ALK: variants seen among roughly 807,000 people sequenced by gnomAD.
ALK encodes the protein ALK tyrosine kinase receptor.
In ALK, 74 loss-of-function variants were observed where a neutral mutation model predicts 163.1. The ratio of observed to expected loss-of-function variants is 0.45; its 90% CI spans 0.38 to 0.55. The LOEUF is 0.55. Ranked by LOEUF, ALK falls within the 20% of genes least tolerant of loss-of-function variation. The pLI, the probability that ALK is intolerant of heterozygous loss-of-function variation, is 0.00. For missense variants in ALK, 2,063 were observed against 2,105.3 expected, an observed-to-expected ratio of 0.98 and a Z score of 0.39; for synonymous variants, 960 against 843.2, an observed-to-expected ratio of 1.14 and a Z score of -2.40.
chr2:29,735,178 G>C (rs1679856478), intron 1 of ALK, among the ~76,000 whole-genome samples: 1 of 151,066 alleles, frequency 6.6e-6, no homozygotes, highest in Admixed American at 6.6e-5. Context: ...GAGAGGATGA[G>C]GCAAGAGAAA....
rs1019519407 is a variant in ALK, at chr2:29,428,595, A to G, written c.1155-44736T>C. Among the ~76,000 whole-genome samples the G allele has an allele frequency of 5.9e-5, 9 of 152,156 alleles. No homozygotes were observed. The East Asian group carries it at 7.7e-4, about 13-fold the overall frequency. On this transcript the variant is annotated intron_variant, in intron 4 of 28. Coordinates refer to ENST00000389048, the MANE Select transcript of ALK (RefSeq NM_004304.5). ...AGAAATAGAAAATCTGAATCAATAC[A>G]TAACAAATAAAAAGATTAAATTAGT...
intron 3 of ALK, among the ~76,000 whole-genome samples, chr2:29,579,757 AC>A (rs913971130): frequency 6.6e-6 from 1 of 151,792 alleles, no homozygotes; most frequent in Non-Finnish European, 1.5e-5. Flanking sequence ...AGGTTGAAAG[AC>A]CCCCTCAGCA....
chr2:29,866,590 C>A (rs1225458799), intron 1 of ALK, among the ~76,000 whole-genome samples: 1 of 152,162 alleles, frequency 6.6e-6, no homozygotes, highest in Non-Finnish European at 1.5e-5. Flanking sequence ...CATTTACAGG[C>A]TATACTTAGG....
chr2:29,634,727 T>TA (rs1424093393), intron 3 of ALK, among the ~76,000 whole-genome samples: 1 of 152,122 alleles, frequency 6.6e-6, no homozygotes, highest in Non-Finnish European at 1.5e-5. Context: ...ATGTCCACAC[T>TA]AACGACTGCT....
chr2:29,421,816 A>G (rs879503036), intron 4 of ALK, among the ~76,000 whole-genome samples: 52 of 151,722 alleles, frequency 3.4e-4, no homozygotes, highest in Admixed American at 1.3e-3. Flanking sequence ...GGGGATAAAG[A>G]AGAACCCTTG....
Position 29,853,268 on chromosome 2 carries a change from T to C in ALK, c.667+66725A>G, listed in dbSNP as rs1666051641. 3.9e-5 allele frequency among the ~76,000 whole-genome samples: 6 copies of C among 152,150 alleles called. No homozygotes were observed. In the South Asian group the frequency reaches 1.2e-3, roughly 32 times the overall value. On this transcript the variant is annotated intron_variant, in intron 1 of 28. Coordinates refer to ENST00000389048, the MANE Select transcript of ALK (RefSeq NM_004304.5). ...TTGCCATTTGGATATTTCACAGACA[T>C]CTCAAATGCAACATGCCCAAAGCCT...
At chr2:29,512,251 A>C (rs1028662211) in intron 4 of ALK, among the ~76,000 whole-genome samples, 1 of 151,950 alleles carries the variant, frequency 6.6e-6, no homozygotes, top group Non-Finnish European at 1.5e-5. Flanking sequence ...ATCCTCAATA[A>C]AATACTGGCA....
chr2:29,294,993 T>C (rs1454673367), intron 9 of ALK, among the ~76,000 whole-genome samples: 1 of 152,220 alleles, frequency 6.6e-6, no homozygotes, highest in Non-Finnish European at 1.5e-5. Flanking sequence ...CCATATCATC[T>C]GTACCTCTGG....
chr2:29,194,433 G>C (rs1668972937), intron 28 of ALK, among the ~76,000 whole-genome samples: 1 of 152,018 alleles, frequency 6.6e-6, no homozygotes, highest in Non-Finnish European at 1.5e-5. Flanking sequence ...TTTCCATTTG[G>C]GTACTTTACA....
At chr2:29,503,458 G>A (rs998217411) in intron 4 of ALK, among the ~76,000 whole-genome samples, 2 of 152,218 alleles carry the variant, frequency 1.3e-5, no homozygotes, top group African/African-American at 4.8e-5. Context: ...TTTCATCAGG[G>A]AAATTAGATC....
chr2:29,506,944 G>T (rs751828216), intron 4 of ALK, among the ~76,000 whole-genome samples: 96 of 152,248 alleles, frequency 6.3e-4, no homozygotes, highest in Non-Finnish European at 1.2e-3. Flanking sequence ...AAATGATGCA[G>T]CCACTATGGA....
intron 3 of ALK, among the ~76,000 whole-genome samples, chr2:29,563,055 G>A (rs1674072608): frequency 6.6e-6 from 1 of 152,222 alleles, no homozygotes; most frequent in South Asian, 2.1e-4. Context: ...GTCTCCCAAA[G>A]AGGAGGGGCT....
In ALK at chr2:29,235,856, C is replaced by CTTTTTTTTTTTTTTTTTTTTT. The variant is rs569363324; in HGVS notation, c.2356-2181_2356-2161dup. On this transcript the variant is annotated intron_variant, in intron 13 of 28. Transcript: ENST00000389048. ...TACAGGCACAAGCTACCAGGCTCGA[C>CTTTTTTTTTTTTTTTTTTTTT]TTTTTTTTTTTTTTTTTTTTTTTTT... Among the ~76,000 whole-genome samples the CTTTTTTTTTTTTTTTTTTTTT allele has an allele frequency of 5.2e-5, 2 of 38,294 alleles. 1 individual carries two copies. Among genetic ancestry groups the CTTTTTTTTTTTTTTTTTTTTT allele is most frequent in the African/African-American group, 1.7e-4 (2 of 11,736 alleles). The allele number at this position is 38,294 out of a possible 152,430, so 25.1% of individuals were successfully genotyped here.
intron 5 of ALK, among the ~76,000 whole-genome samples, chr2:29,369,134 C>A (rs1391235167): frequency 6.6e-6 from 1 of 152,188 alleles, no homozygotes; most frequent in Non-Finnish European, 1.5e-5. Context: ...GCTGGACCTT[C>A]TTATCTACCT....
intron 1 of ALK, among the ~76,000 whole-genome samples, chr2:29,738,362 G>C (rs754772807): frequency 6.6e-6 from 1 of 152,002 alleles, no homozygotes; most frequent in Non-Finnish European, 1.5e-5. Context: ...TGCTCATGTT[G>C]TATGTATCAT....
At chr2:29,856,004 A>G (rs1389667727) in intron 1 of ALK, among the ~76,000 whole-genome samples, 1 of 152,218 alleles carries the variant, frequency 6.6e-6, no homozygotes, top group Non-Finnish European at 1.5e-5. Context: ...GAGCAGTACT[A>G]TGATGCCTTG....
At chr2:29,609,265 G>A (rs2148220238) in intron 3 of ALK, among the ~76,000 whole-genome samples, 1 of 151,928 alleles carries the variant, frequency 6.6e-6, no homozygotes, top group East Asian at 1.9e-4. Flanking sequence ...TGGGTGAATA[G>A]TTGTTTTTTT....
intron 3 of ALK, among the ~76,000 whole-genome samples, chr2:29,562,799 T>G (rs1674064257): frequency 6.6e-6 from 1 of 152,248 alleles, no homozygotes. Flanking sequence ...ATTAGCCTTC[T>G]GTCAAGTGCT....
chr2:29,279,389 A>G (rs1284454181), intron 9 of ALK, among the ~76,000 whole-genome samples: 1 of 152,072 alleles, frequency 6.6e-6, no homozygotes, highest in African/African-American at 2.4e-5. Context: ...ACCCTCCCCC[A>G]TGGCTCCAGC....
Sources: allele counts gnomAD v4.1 joint callset (sites outside exome capture counted in the v4.1 genomes callset), GRCh38; gene constraint gnomAD v4.1.1; transcripts MANE v1.5; gene names NCBI Gene and HGNC (gene_info 2026-07-23, HGNC 2026-07-21).